Variants in CDH13 observed in about 807,000 individuals in gnomAD.
The protein encoded by CDH13 is cadherin-13.
Under a neutral mutation model 63.8 loss-of-function variants are expected in CDH13, and 24 were observed. The ratio of observed to expected loss-of-function variants is 0.38; its 90% CI spans 0.27 to 0.53. The LOEUF (loss-of-function observed/expected upper bound fraction) is 0.53, where lower values mean the gene tolerates loss of function less well. Ranked by LOEUF, CDH13 falls within the 20% of genes least tolerant of loss-of-function variation. The pLI is 0.85. For missense variants in CDH13, 1,049 were observed against 903.1 expected (o/e 1.16, Z -2.07); for synonymous variants, 503 against 355.3 (o/e 1.42, Z -4.67).
chr16:83,030,871 C>G (rs768326329), intron 2 of CDH13, among the ~76,000 whole-genome samples: 1 of 151,892 alleles, frequency 6.6e-6, no homozygotes, highest in Admixed American at 6.6e-5. Context: ...CCCCACCATT[C>G]TAGATTCCCA....
intron 4 of CDH13, chr16:83,171,383 C>A (rs1597460116): frequency 4.2e-6 from 3 of 711,990 alleles, no homozygotes; most frequent in East Asian, 2.7e-5. Flanking sequence ...TGCCACCAGG[C>A]CCCACCTCCA....
intron 5 of CDH13, among the ~76,000 whole-genome samples, chr16:83,246,725 T>C (rs1905032395): frequency 6.6e-6 from 1 of 152,204 alleles, no homozygotes; most frequent in South Asian, 2.1e-4. Context: ...TTCGCCGGTG[T>C]TGCTGCCAGA....
chr16:82,858,491 A>C lies in CDH13; in HGVS notation c.157+18A>C, dbSNP rs933981673. 2.8e-6 allele frequency: 4 copies of C among 1,439,300 alleles called. No homozygotes were observed. Among genetic ancestry groups the C allele is most frequent in the African/African-American group, 2.8e-5 (2 of 71,528 alleles). 89.2% of individuals were successfully genotyped at this position (1,439,300 alleles called of 1,614,324 possible). A position where few individuals can be genotyped will look rare whatever the true frequency, so the allele number is the denominator to read the frequency against. On this transcript the variant is annotated intron_variant, in intron 2 of 13. Coordinates refer to ENST00000567109, the MANE Select transcript of CDH13 (RefSeq NM_001257.5). ...TCTAAACTGTAAGCAATGTCACTCA[A>C]AGATGCTTTTAGACTCTTCTCATAT...
At chr16:83,660,191 T>C (rs1340174309) in intron 8 of CDH13, among the ~76,000 whole-genome samples, 2 of 152,156 alleles carry the variant, frequency 1.3e-5, no homozygotes, top group African/African-American at 4.8e-5. Context: ...ACATTACATT[T>C]ATTGTGTGTT....
At chr16:83,262,556 A>G (rs555791993) in intron 5 of CDH13, among the ~76,000 whole-genome samples, 4 of 152,254 alleles carry the variant, frequency 2.6e-5, no homozygotes, top group African/African-American at 7.2e-5. Flanking sequence ...AAAGACCTGG[A>G]TTTTGCTGGA....
chr16:83,094,390 G>T (rs945115009), intron 3 of CDH13, among the ~76,000 whole-genome samples: 1 of 152,326 alleles, frequency 6.6e-6, no homozygotes, highest in Non-Finnish European at 1.5e-5. Flanking sequence ...TGGATAGAGA[G>T]AGAAGTTGGG....
chr16:83,033,708 A>G (rs1916592339), intron 3 of CDH13, among the ~76,000 whole-genome samples: 1 of 152,106 alleles, frequency 6.6e-6, no homozygotes, highest in Non-Finnish European at 1.5e-5. Flanking sequence ...AGGCTTCCCG[A>G]TTGTGCCATT....
At chr16:83,603,196 G>T (rs1833965) in intron 8 of CDH13, among the ~76,000 whole-genome samples, 51,797 of 152,134 alleles carry the variant, frequency 0.34, 9,147 homozygotes, top group Middle Eastern at 0.43. Context: ...TGCTAAATTT[G>T]TACCCAAACC....
At chr16:82,727,032 C>T (rs553762301) in intron 1 of CDH13, among the ~76,000 whole-genome samples, 2 of 152,232 alleles carry the variant, frequency 1.3e-5, no homozygotes, top group South Asian at 2.1e-4. Flanking sequence ...CCAGGATTCC[C>T]ATCCATCAGA....
At chr16:82,791,125 T>C (rs574927524) in intron 1 of CDH13, among the ~76,000 whole-genome samples, 5 of 151,710 alleles carry the variant, frequency 3.3e-5, no homozygotes, top group African/African-American at 9.7e-5. Context: ...CAGTTCCAGC[T>C]ACTCGGGAGG....
intron 1 of CDH13, among the ~76,000 whole-genome samples, chr16:82,819,630 C>T (rs1051489116): frequency 6.6e-6 from 1 of 152,182 alleles, no homozygotes; most frequent in African/African-American, 2.4e-5. Context: ...TGAAAGTTGA[C>T]AGAGTTACCC....
intron 5 of CDH13, among the ~76,000 whole-genome samples, chr16:83,228,846 G>T (rs1218781414): frequency 6.6e-6 from 1 of 152,172 alleles, no homozygotes; most frequent in Non-Finnish European, 1.5e-5. Context: ...ATCAGATTTG[G>T]ATTTTACAGG....
chr16:82,840,529 G>A lies in CDH13; in HGVS notation c.46-17833G>A, dbSNP rs532367472. On this transcript the variant is annotated intron_variant, in intron 1 of 13. Transcript: ENST00000567109. ...GAAACCTCGTCTCTACTAAAAACAC[G>A]AAAGAAACAGCCAGGTATGGTGGCA... Among the ~76,000 whole-genome samples the A allele has an allele frequency of 6.4e-4, 97 of 151,582 alleles. 1 individual carries two copies. The highest frequency in any genetic ancestry group is 2.7e-3 in the South Asian group (13 of 4,778).
intron 5 of CDH13, among the ~76,000 whole-genome samples, chr16:83,330,035 T>C (rs1382171719): frequency 1.3e-5 from 2 of 152,232 alleles, no homozygotes; most frequent in African/African-American, 4.8e-5. Flanking sequence ...ATCTTTTGGA[T>C]GTATATCCAG....
chr16:83,172,057 C>A (rs138961236), intron 4 of CDH13, among the ~76,000 whole-genome samples: 90 of 152,172 alleles, frequency 5.9e-4, no homozygotes, highest in African/African-American at 2.1e-3. Context: ...AGAGTGTGAC[C>A]TTACTTGGAC....
intron 13 of CDH13, among the ~76,000 whole-genome samples, chr16:83,787,551 A>G (rs1915967215): frequency 6.6e-6 from 1 of 152,180 alleles, no homozygotes; most frequent in Admixed American, 6.5e-5. Flanking sequence ...TACTACAGTA[A>G]GAGATCTACG....
At chr16:83,336,214 T>G (rs753940253) in intron 5 of CDH13, among the ~76,000 whole-genome samples, 28 of 149,878 alleles carry the variant, frequency 1.9e-4, no homozygotes, top group Non-Finnish European at 3.2e-4. Context: ...GACAGGAGAA[T>G]CGCTTGAACC....
intron 1 of CDH13, among the ~76,000 whole-genome samples, chr16:82,718,750 C>G (rs554681408): frequency 6.6e-6 from 1 of 152,058 alleles, no homozygotes; most frequent in African/African-American, 2.4e-5. Flanking sequence ...TCTCGTGAGA[C>G]GATCACAAGA....
At chr16:82,983,817 A>G (rs1307777976) in intron 2 of CDH13, among the ~76,000 whole-genome samples, 1 of 152,166 alleles carries the variant, frequency 6.6e-6, no homozygotes, top group East Asian at 1.9e-4. Flanking sequence ...TTTCACCAGC[A>G]CCTGGGACTG....
Sources: allele counts gnomAD v4.1 joint callset (sites outside exome capture counted in the v4.1 genomes callset), GRCh38; gene constraint gnomAD v4.1.1; transcripts MANE v1.5; gene names NCBI Gene and HGNC (gene_info 2026-07-23, HGNC 2026-07-21).